Variants in SIRPA observed in about 807,000 individuals in gnomAD.
SIRPA encodes tyrosine-protein phosphatase non-receptor type substrate 1.
In SIRPA, 9 loss-of-function variants were observed where a neutral mutation model predicts 50.3. The observed-to-expected ratio is 0.18, with a 90% confidence interval of 0.11 to 0.31. SIRPA has a LOEUF of 0.31. SIRPA is among the 10% of genes least tolerant of loss of function. The pLI is 1.00. For synonymous variants in SIRPA, 265 were observed against 284.1 expected, an observed-to-expected ratio of 0.93 and a Z score of 0.68; for missense variants, 474 against 661.6, an observed-to-expected ratio of 0.72 and a Z score of 3.11.
Position 1,928,902 on chromosome 20 carries a change from ATCT to A in SIRPA, c.1226+1006_1226+1008del, listed in dbSNP as rs1986147376. On this transcript the variant is annotated intron_variant, in intron 6 of 7. Transcript: ENST00000358771. The surrounding 1 kb of genome is among the most constrained non-coding windows in gnomAD (Gnocchi z 4.9). ...TTATCGGCTTTTTGGAAGGCCTCTG[ATCT>A]TCATCCCCAGCAGAGCAGAGGCAGC... Among the ~76,000 whole-genome samples the A allele has an allele frequency of 6.6e-6, 1 of 152,152 alleles. No individual in the cohort carries two copies. Among genetic ancestry groups the A allele is most frequent in the Non-Finnish European group, 1.5e-5 (1 of 68,024 alleles).
intron 1 of SIRPA, among the ~76,000 whole-genome samples, chr20:1,899,411 A>G (rs1336184367): frequency 2.6e-5 from 4 of 152,166 alleles, no homozygotes; most frequent in Non-Finnish European, 4.4e-5. Flanking sequence ...GCAATGTAGA[A>G]TCCCGAGCTG....
intron 6 of SIRPA, among the ~76,000 whole-genome samples, chr20:1,930,063 C>T (rs912034397): frequency 4.6e-5 from 7 of 152,186 alleles, no homozygotes; most frequent in African/African-American, 1.7e-4. Context: ...CCTGCCCCTG[C>T]TCATGCACTA....
At position 1,924,681 on chromosome 20, in the gene SIRPA, G is replaced by C; in HGVS notation, c.1088-83G>C. 9.0e-7 allele frequency: 1 copy of C among 1,113,624 alleles called. No individual in the cohort carries two copies. Among genetic ancestry groups the C allele is most frequent in the Non-Finnish European group, 1.4e-6 (1 of 734,686 alleles). The allele number at this position is 1,113,624 out of a possible 1,614,324, so 69.0% of individuals were successfully genotyped here. ...CAGATGTTCTCAGTTAATGATGCCT[G>C]CTTAGTGGTGAAAAGCAGTGGTGGG... On this transcript the variant is annotated intron_variant, in intron 4 of 7. Coordinates refer to ENST00000358771, the MANE Select transcript of SIRPA (RefSeq NM_001040023.2). The surrounding 1 kb of genome is among the most constrained non-coding windows in gnomAD (Gnocchi z 4.5).
rs1362156300 is a variant in SIRPA, at chr20:1,934,418, G to A, written c.1227-297G>A. Among the ~76,000 whole-genome samples, 1 of 152,172 alleles carries A rather than the reference G, an allele frequency of 6.6e-6. No homozygotes were observed. Among genetic ancestry groups the A allele is most frequent in the African/African-American group, 2.4e-5 (1 of 41,444 alleles). The stretch of plus-strand genomic sequence containing the variant: ...CTGGTTTGCCTCTCCCACCAGTGAC[G>A]TATGAAAGCTCCAGTTCATTTCACC... On this transcript the variant is annotated intron_variant, in intron 6 of 7. Coordinates refer to ENST00000358771, the MANE Select transcript of SIRPA (RefSeq NM_001040023.2). This position sits in a 1 kb window ranked among gnomAD's most constrained non-coding sequence, Gnocchi z 4.6.
intron 6 of SIRPA, among the ~76,000 whole-genome samples, chr20:1,930,977 C>T (rs1445259475): frequency 6.6e-6 from 1 of 152,238 alleles, no homozygotes; most frequent in African/African-American, 2.4e-5. Flanking sequence ...ATAGTAACAG[C>T]AATAGCAGCT....
chr20:1,927,075 C>A lies in SIRPA; in HGVS notation c.1202-800C>A. Among the ~76,000 whole-genome samples, 1 of 152,374 alleles carries A rather than the reference C, an allele frequency of 6.6e-6. No individual in the cohort carries two copies. Among genetic ancestry groups the A allele is most frequent in the Non-Finnish European group, 1.5e-5 (1 of 68,038 alleles). Reference sequence around the variant, plus strand: ...TGCTGAGCACAGCTTCCAACTGGTACACCTCATCTAAAGATCCAGGACCTG... The same window carrying A: ...TGCTGAGCACAGCTTCCAACTGGTAAACCTCATCTAAAGATCCAGGACCTG... On this transcript the variant is annotated intron_variant, in intron 5 of 7. Transcript: ENST00000358771. The surrounding 1 kb of genome is among the most constrained non-coding windows in gnomAD (Gnocchi z 6.5).
intron 1 of SIRPA, among the ~76,000 whole-genome samples, chr20:1,907,099 C>G (rs1433302915): frequency 6.6e-6 from 1 of 152,168 alleles, no homozygotes; most frequent in African/African-American, 2.4e-5. Context: ...AGAAGTTTAC[C>G]TACTGCATGG....
chr20:1,915,496 A>G (rs745994105), intron 2 of SIRPA, 41 bp downstream of exon 2: 8 of 1,606,624 alleles, frequency 5.0e-6, no homozygotes, highest in African/African-American at 2.7e-5. Flanking sequence ...GGTTTGTGAC[A>G]GTAACTCAAT....
In SIRPA at chr20:1,938,723, A is replaced by C. The variant is rs1308915715; in HGVS notation, c.*1155A>C. On this transcript the variant is annotated 3_prime_UTR_variant, in exon 8 of 8. Coordinates refer to ENST00000358771, the MANE Select transcript of SIRPA (RefSeq NM_001040023.2). ...TCTGTGACCCCGCTGTGGTAAGTCC[A>C]GCCTGCCCAGGGCTGCTGAGGGCTG... 1 of 152,502 alleles carries C rather than the reference A, an allele frequency of 6.6e-6. No individual in the cohort carries two copies. Among genetic ancestry groups the C allele is most frequent in the Non-Finnish European group, 1.5e-5 (1 of 68,102 alleles). The allele number at this position is 152,502 out of a possible 1,614,324, so 9.4% of individuals were successfully genotyped here. A position where few individuals can be genotyped will look rare whatever the true frequency, so the allele number is the denominator to read the frequency against.
chr20:1,916,574 C>T (rs145743913), intron 2 of SIRPA, among the ~76,000 whole-genome samples: 194 of 152,282 alleles, frequency 1.3e-3, no homozygotes, highest in African/African-American at 4.5e-3. Flanking sequence ...ACATTCAGAC[C>T]GTTAGGCCCA....
Position 1,913,850 on chromosome 20 carries a change from C to T in SIRPA, c.80-1249C>T, listed in dbSNP as rs544848133. Reference sequence around the variant, plus strand: ...TCTTCAACGCATCTCATGACAAGCTCGTCCTGCCCTCTTCCTGTCTGGGCT... The same window carrying T: ...TCTTCAACGCATCTCATGACAAGCTTGTCCTGCCCTCTTCCTGTCTGGGCT... On this transcript the variant is annotated intron_variant, in intron 1 of 7. Transcript: ENST00000358771. Among the ~76,000 whole-genome samples the T allele has an allele frequency of 3.9e-5, 6 of 152,330 alleles. No individual in the cohort carries two copies. In the South Asian group the frequency reaches 8.3e-4, roughly 21 times the overall value.
chr20:1,907,767 G>C (rs895913207), intron 1 of SIRPA, among the ~76,000 whole-genome samples: 3 of 152,252 alleles, frequency 2.0e-5, no homozygotes, highest in African/African-American at 7.2e-5. Context: ...CTAGGACAGG[G>C]CCTGGCAGCA....
At position 1,927,047 on chromosome 20, in the gene SIRPA, C is replaced by T. The variant is rs921868813; in HGVS notation, c.1202-828C>T. Among the ~76,000 whole-genome samples the T allele has an allele frequency of 9.8e-5, 15 of 152,306 alleles. No homozygotes were observed. Among genetic ancestry groups the T allele is most frequent in the Admixed American group, 1.3e-4 (2 of 15,308 alleles). On this transcript the variant is annotated intron_variant, in intron 5 of 7. Coordinates refer to ENST00000358771, the MANE Select transcript of SIRPA (RefSeq NM_001040023.2). The surrounding 1 kb of genome is among the most constrained non-coding windows in gnomAD (Gnocchi z 6.5). Reference sequence around the variant, plus strand: ...ACCTGTCAGCCTCCACTCAGACTTTCGGTGCTGAGCACAGCTTCCAACTGG... The same window carrying T: ...ACCTGTCAGCCTCCACTCAGACTTTTGGTGCTGAGCACAGCTTCCAACTGG...
upstream of SIRPA, chr20:1,895,226 C>T: frequency 2.4e-6 from 1 of 420,086 alleles, no homozygotes; most frequent in Non-Finnish European, 4.2e-6. Flanking sequence ...TGGGGTCTCT[C>T]CCAGTCTCCG....
chr20:1,895,283 CGCG>C (rs926889796), upstream of SIRPA: 276 of 437,840 alleles, frequency 6.3e-4, no homozygotes, highest in South Asian at 1.7e-3. Flanking sequence ...CTCCAAAAAC[CGCG>C]GCGGCGGCGG....
chr20:1,905,528 A>G (rs1353262556), intron 1 of SIRPA, among the ~76,000 whole-genome samples: 1 of 152,250 alleles, frequency 6.6e-6, no homozygotes, highest in Non-Finnish European at 1.5e-5. Context: ...GTGGCTGTGC[A>G]GCACCAGGGC....
intron 1 of SIRPA, among the ~76,000 whole-genome samples, chr20:1,906,111 C>A (rs1984529151): frequency 6.6e-6 from 1 of 152,158 alleles, no homozygotes; most frequent in Admixed American, 6.5e-5. Context: ...TAGCCCGTTT[C>A]ATCCTCAGAA....
chr20:1,894,855 GA>G (rs1488634227), upstream of SIRPA: 1 of 147,462 alleles, frequency 6.8e-6, no homozygotes, highest in South Asian at 2.1e-4. The surrounding 1 kb of genome is among the most constrained non-coding windows in gnomAD (Gnocchi z 4.0). Flanking sequence ...GGGAGGAGGG[GA>G]AAGGGAAGGA....
At position 1,928,352 on chromosome 20, in the gene SIRPA, T is replaced by C. The variant is rs1986112895; in HGVS notation, c.1226+453T>C. Among the ~76,000 whole-genome samples the C allele has an allele frequency of 6.6e-6, 1 of 152,212 alleles. No homozygotes were observed. Among genetic ancestry groups the C allele is most frequent in the Non-Finnish European group, 1.5e-5 (1 of 68,038 alleles). On this transcript the variant is annotated intron_variant, in intron 6 of 7. Transcript: ENST00000358771. This position sits in a 1 kb window ranked among gnomAD's most constrained non-coding sequence, Gnocchi z 4.9. ...GATAGAATCTGTGCCCTCTGCAAGC[T>C]CACAGCCTGGTCAGAGGCTCAGACG... is the stretch of plus-strand genomic sequence containing the variant.
Sources: allele counts gnomAD v4.1 joint callset (sites outside exome capture counted in the v4.1 genomes callset), GRCh38; gene constraint gnomAD v4.1.1; non-coding constraint Gnocchi (gnomAD v3.1); transcripts MANE v1.5; gene names NCBI Gene and HGNC (gene_info 2026-07-23, HGNC 2026-07-21).